Variants in IGFL2 observed in about 807,000 individuals in gnomAD.
IGFL2 encodes IGF like family member 2.
In IGFL2, 7 loss-of-function variants were observed where a neutral mutation model predicts 13.9. The observed-to-expected ratio is 0.51, with a 90% CI of 0.29 to 0.95. The LOEUF is 0.95. Among genes scored for constraint, IGFL2 ranks in the 40% least tolerant of loss-of-function variants. The pLI is 0.08. For missense variants in IGFL2, 138 were observed against 147.8 expected (o/e 0.93, Z 0.34); for synonymous variants, 55 against 55.8 (o/e 0.99, Z 0.07).
chr19:46,179,737 G>A, the IGFL2 span, among the ~76,000 whole-genome samples: 1 of 152,068 alleles, frequency 6.6e-6, no homozygotes, highest in Non-Finnish European at 1.5e-5. Context: ...CCAACGTGAT[G>A]AAACTCCATC....
the IGFL2 span, among the ~76,000 whole-genome samples, chr19:46,168,988 T>C: frequency 6.6e-6 from 1 of 152,074 alleles, no homozygotes; most frequent in Non-Finnish European, 1.5e-5. Flanking sequence ...GGAAACTATG[T>C]GTTTGTTTGC....
At chr19:46,109,528 G>A in the IGFL2 span, among the ~76,000 whole-genome samples, 1 of 152,092 alleles carries the variant, frequency 6.6e-6, no homozygotes, top group Non-Finnish European at 1.5e-5. Context: ...ATGTTAGCCA[G>A]GATGGTCTCA....
chr19:46,101,469 G>A, the IGFL2 span, among the ~76,000 whole-genome samples: 1 of 152,190 alleles, frequency 6.6e-6, no homozygotes, highest in African/African-American at 2.4e-5. Flanking sequence ...GGAGGGATGG[G>A]TCAGGGTCCA....
the IGFL2 span, chr19:46,214,198 C>T: frequency 6.6e-6 from 1 of 152,234 alleles, no homozygotes; most frequent in Non-Finnish European, 1.5e-5. Flanking sequence ...CACCTTACAC[C>T]AACGTAGTGA....
the IGFL2 span, among the ~76,000 whole-genome samples, chr19:46,116,614 G>T: frequency 6.6e-6 from 1 of 152,110 alleles, no homozygotes; most frequent in African/African-American, 2.4e-5. Flanking sequence ...TGGCCCCAAG[G>T]AATCCTCCTA....
the IGFL2 span, among the ~76,000 whole-genome samples, chr19:46,118,428 C>T: frequency 1.3e-5 from 2 of 152,190 alleles, no homozygotes; most frequent in Admixed American, 1.3e-4. Context: ...GGGAGAGGCT[C>T]CTGGAATGTG....
At chr19:46,132,646 G>A in the IGFL2 span, among the ~76,000 whole-genome samples, 2 of 150,726 alleles carry the variant, frequency 1.3e-5, no homozygotes, top group South Asian at 2.1e-4. Context: ...GAGAGGAAGA[G>A]GGAGGGAAAA....
chr19:46,148,405 C>T (rs1477975400), intron 1 of IGFL2, 108 bp downstream of exon 1: 7 of 982,838 alleles, frequency 7.1e-6, no homozygotes, highest in Non-Finnish European at 9.5e-6. Context: ...TGGTTTCCCA[C>T]CTCATAATCA....
At chr19:46,124,027 C>G in the IGFL2 span, 3 of 1,611,450 alleles carry the variant, frequency 1.9e-6, no homozygotes, top group Non-Finnish European at 1.7e-6. Context: ...GCAGGTGGAG[C>G]CACAGCGGCG....
the IGFL2 span, among the ~76,000 whole-genome samples, chr19:46,124,863 G>A: frequency 1.3e-5 from 2 of 150,684 alleles, no homozygotes; most frequent in Admixed American, 6.6e-5. Context: ...ACTGGGTGGC[G>A]TAAGGGACCA....
chr19:46,145,298 T>TTC (rs34435727), upstream of IGFL2, among the ~76,000 whole-genome samples: 156 of 151,642 alleles, frequency 1.0e-3, no homozygotes, highest in Non-Finnish European at 1.7e-3. Context: ...ATTGTCGATA[T>TTC]TCTCTCTCTC....
the IGFL2 span, chr19:46,137,423 T>A: frequency 9.7e-7 from 1 of 1,029,264 alleles, no homozygotes; most frequent in Non-Finnish European, 1.5e-6. Flanking sequence ...CTCGGAAGGA[T>A]GGACATTGTA....
At chr19:46,213,648 G>C in the IGFL2 span, 279 of 153,796 alleles carry the variant, frequency 1.8e-3, no homozygotes, top group Non-Finnish European at 3.2e-3. Flanking sequence ...CACAGCGCCC[G>C]GGTCAGCCCC....
At chr19:46,110,701 C>T in the IGFL2 span, among the ~76,000 whole-genome samples, 1 of 152,122 alleles carries the variant, frequency 6.6e-6, no homozygotes, top group Non-Finnish European at 1.5e-5. Flanking sequence ...TTTAAGCATG[C>T]AATACAGTTT....
rs926076111 is a variant in IGFL2, at chr19:46,149,120, A to C, written c.19+823A>C. 4.6e-6 allele frequency: 5 copies of C among 1,089,400 alleles called. No individual in the cohort carries two copies. In the African/African-American group the frequency reaches 7.9e-5, roughly 17 times the overall value. 67.5% of individuals were successfully genotyped at this position (1,089,400 alleles called of 1,614,324 possible). ...TGAGCAATGCCTGCTGTGTTCACTA[A>C]CTTCTTTTTGGGCAACCATCTCTCT... On this transcript the variant is annotated intron_variant, in intron 1 of 3. Coordinates refer to ENST00000377693, the MANE Select transcript of IGFL2 (RefSeq NM_001135113.2).
chr19:46,108,556 C>T, the IGFL2 span, among the ~76,000 whole-genome samples: 58 of 151,972 alleles, frequency 3.8e-4, no homozygotes, highest in African/African-American at 1.3e-3. Flanking sequence ...GGAAGGTTGC[C>T]CATAGTGAAG....
At chr19:46,147,198 T>G (rs1042283336), upstream of IGFL2, among the ~76,000 whole-genome samples, 8 of 152,168 alleles carry the variant, frequency 5.3e-5, no homozygotes, top group African/African-American at 1.9e-4. Context: ...CTTCACAGTT[T>G]CCCCTAAATG....
upstream of IGFL2, among the ~76,000 whole-genome samples, chr19:46,142,020 A>C (rs1328131456): frequency 6.6e-6 from 1 of 152,170 alleles, no homozygotes; most frequent in South Asian, 2.1e-4. Flanking sequence ...TGAAGTTTCC[A>C]ATAATACTCT....
the IGFL2 span, among the ~76,000 whole-genome samples, chr19:46,108,291 G>A: frequency 6.6e-6 from 1 of 152,110 alleles, no homozygotes; most frequent in Non-Finnish European, 1.5e-5. Flanking sequence ...AGGAACCGAG[G>A]TGTAAAAGAA....
Sources: allele counts gnomAD v4.1 joint callset (sites outside exome capture counted in the v4.1 genomes callset), GRCh38; gene constraint gnomAD v4.1.1; transcripts MANE v1.5; gene names NCBI Gene and HGNC (gene_info 2026-07-23, HGNC 2026-07-21).